The following WWC2 variants were observed in gnomAD, a reference collection of about 807,000 sequenced individuals.
WWC2 encodes WW and C2 domain containing 2, also known as protein WWC2.
A neutral mutation model predicts 138.5 loss-of-function variants in WWC2; 101 were observed. That is an observed-to-expected ratio of 0.73 (90% confidence interval 0.62 to 0.86). The LOEUF (loss-of-function observed/expected upper bound fraction) is 0.86. Ranked by LOEUF, WWC2 falls within the 40% of genes least tolerant of loss-of-function variation. WWC2 has a pLI of 0.00. For synonymous variants in WWC2, 558 were observed against 538.4 expected (o/e 1.04, Z -0.50); for missense variants, 1,420 against 1,419.4 (o/e 1.00, Z -0.01).
At chr4:183,251,173 T>G (rs1331410330) in intron 8 of WWC2, among the ~76,000 whole-genome samples, 1 of 152,220 alleles carries the variant, frequency 6.6e-6, no homozygotes, top group Non-Finnish European at 1.5e-5. Context: ...TGTTTAGGCT[T>G]TATTATCTCC....
At chr4:183,129,326 A>G (rs888061058) in intron 1 of WWC2, among the ~76,000 whole-genome samples, 1 of 152,152 alleles carries the variant, frequency 6.6e-6, no homozygotes, top group African/African-American at 2.4e-5. Flanking sequence ...TTTATTGTTC[A>G]AACCAGGGCT....
rs536080671 is a variant in WWC2 at position 183,145,612 on chromosome 4, G to A, written c.131+45990G>A. Among the ~76,000 whole-genome samples, 33 of 152,290 alleles carry A rather than the reference G, an allele frequency of 2.2e-4. 2 individuals are homozygous for A. The South Asian group carries it at 6.8e-3, about 32-fold the overall frequency. On this transcript the variant is annotated intron_variant, in intron 1 of 22. Coordinates refer to ENST00000403733, the MANE Select transcript of WWC2 (RefSeq NM_024949.6). ...AGAGAAGGAGTGCTAAGCAGCTGGA[G>A]CAACTTCTTCAGGAAGTTAAATGCA...
chr4:183,305,136 G>A (rs115646208), intron 21 of WWC2, among the ~76,000 whole-genome samples: 2,154 of 152,172 alleles, frequency 0.014, 42 homozygotes, highest in African/African-American at 0.049. Context: ...TGGACTCACG[G>A]GCACACTGGA....
chr4:183,244,112 T>G (rs1736696900), intron 5 of WWC2, among the ~76,000 whole-genome samples: 1 of 152,106 alleles, frequency 6.6e-6, no homozygotes, highest in Non-Finnish European at 1.5e-5. Context: ...GTAGGTACTA[T>G]TTCTCTGGAG....
chr4:183,304,348 G>A (rs1738957534), intron 21 of WWC2, among the ~76,000 whole-genome samples: 1 of 152,106 alleles, frequency 6.6e-6, no homozygotes, highest in Non-Finnish European at 1.5e-5. Flanking sequence ...GTTAAAAACT[G>A]CAGGAGTACC....
At chr4:183,239,693 T>C (rs1736555855) in intron 4 of WWC2, among the ~76,000 whole-genome samples, 1 of 152,018 alleles carries the variant, frequency 6.6e-6, no homozygotes, top group South Asian at 2.1e-4. Flanking sequence ...GCAGGGGGGC[T>C]AGAGAAGTCC....
intron 1 of WWC2, among the ~76,000 whole-genome samples, chr4:183,125,058 C>T (rs1028368319): frequency 2.0e-5 from 3 of 152,118 alleles, no homozygotes; most frequent in Non-Finnish European, 4.4e-5. Context: ...GCTATGAGGG[C>T]TGCTTGTAAT....
At chr4:183,152,103 C>T (rs1010124017) in intron 1 of WWC2, among the ~76,000 whole-genome samples, 1 of 152,156 alleles carries the variant, frequency 6.6e-6, no homozygotes, top group African/African-American at 2.4e-5. Flanking sequence ...TGTGGACTTA[C>T]AAATCCACAG....
At chr4:183,158,746 C>T (rs1733873957) in intron 1 of WWC2, among the ~76,000 whole-genome samples, 1 of 151,836 alleles carries the variant, frequency 6.6e-6, no homozygotes, top group East Asian at 1.9e-4. Context: ...ACCATTTTAC[C>T]CCTGTTAAAT....
At chr4:183,289,667 G>A (rs777669263) in intron 21 of WWC2, 32 bp downstream of exon 21, 93 of 1,596,342 alleles carry the variant, frequency 5.8e-5, no homozygotes, top group Non-Finnish European at 6.6e-5. Context: ...ATCTCGGAGG[G>A]GCTTACATCT....
intron 9 of WWC2, among the ~76,000 whole-genome samples, chr4:183,256,994 G>T (rs1286680314): frequency 2.0e-5 from 3 of 151,192 alleles, no homozygotes; most frequent in African/African-American, 7.3e-5. Context: ...GGAAAGAGGT[G>T]CTCATGGTGA....
chr4:183,235,404 A>G (rs1325139782), intron 4 of WWC2, among the ~76,000 whole-genome samples: 6 of 152,234 alleles, frequency 3.9e-5, no homozygotes, highest in Admixed American at 3.9e-4. Flanking sequence ...TTTTAAGTGT[A>G]TAATATATTC....
intron 11 of WWC2, among the ~76,000 whole-genome samples, chr4:183,262,542 T>C (rs570215222): frequency 3.2e-4 from 48 of 152,258 alleles, no homozygotes; most frequent in Non-Finnish European, 6.2e-4. Flanking sequence ...TTTCAAATAC[T>C]GAAGAGCCAA....
intron 20 of WWC2, among the ~76,000 whole-genome samples, chr4:183,287,605 T>C (rs1287127185): frequency 6.6e-6 from 1 of 152,156 alleles, no homozygotes; most frequent in Non-Finnish European, 1.5e-5. Context: ...CAGATATGGT[T>C]TGATAGGAAC....
intron 1 of WWC2, among the ~76,000 whole-genome samples, chr4:183,123,640 A>G (rs1374283661): frequency 6.6e-6 from 1 of 152,134 alleles, no homozygotes; most frequent in East Asian, 1.9e-4. Context: ...AATATAGCAT[A>G]ATATCATTTC....
chr4:183,291,455 C>T (rs1738448420), intron 21 of WWC2, among the ~76,000 whole-genome samples: 1 of 152,214 alleles, frequency 6.6e-6, no homozygotes, highest in Non-Finnish European at 1.5e-5. Flanking sequence ...CATTTTTACT[C>T]TCTTGAGTTT....
chr4:183,308,995 C>T (rs1739116619), intron 21 of WWC2, among the ~76,000 whole-genome samples: 1 of 152,130 alleles, frequency 6.6e-6, no homozygotes, highest in Non-Finnish European at 1.5e-5. Context: ...ATCTTTTCAA[C>T]AAATGATGCT....
intron 1 of WWC2, among the ~76,000 whole-genome samples, chr4:183,143,931 T>C (rs1395850434): frequency 6.6e-6 from 1 of 152,240 alleles, no homozygotes; most frequent in African/African-American, 2.4e-5. Flanking sequence ...AGGTGGTACG[T>C]ATTTTAAGTG....
At chr4:183,198,822 TTTTGTGCTC>T (rs1735222479) in intron 2 of WWC2, among the ~76,000 whole-genome samples, 1 of 143,856 alleles carries the variant, frequency 7.0e-6, no homozygotes, top group South Asian at 2.2e-4. Context: ...AAAAGGTTCC[TTTTGTGCTC>T]TTGCATAAAA....
Sources: gnomAD v4.1 joint callset for allele counts (sites outside exome capture counted in the v4.1 genomes callset) on GRCh38, gnomAD v4.1.1 for gene constraint, MANE v1.5 for transcripts, NCBI Gene and HGNC (gene_info 2026-07-23, HGNC 2026-07-21) for gene names.